Variants in ADAM12 observed in about 807,000 individuals in gnomAD.
ADAM12 encodes ADAM metallopeptidase domain 12.
In ADAM12, 70 loss-of-function variants were observed where a neutral mutation model predicts 106.4. The observed-to-expected ratio is 0.66, with a 90% CI of 0.54 to 0.80. The LOEUF is 0.80. Ranked by LOEUF, ADAM12 falls within the 30% of genes least tolerant of loss-of-function variation. The pLI is 0.00. For synonymous variants in ADAM12, 420 were observed against 433.5 expected (o/e 0.97, Z 0.39); for missense variants, 1,010 against 1,171.9 (o/e 0.86, Z 2.02).
chr10:126,103,615 C>T (rs757964217), intron 8 of ADAM12, among the ~76,000 whole-genome samples: 13 of 152,206 alleles, frequency 8.5e-5, no homozygotes, highest in Non-Finnish European at 1.8e-4. Flanking sequence ...CATGTTTGAA[C>T]CCACTAGGTA....
intron 4 of ADAM12, among the ~76,000 whole-genome samples, chr10:126,141,473 C>CA (rs35675575): frequency 0.2 from 30,224 of 152,160 alleles, 3,422 homozygotes; most frequent in Non-Finnish European, 0.26. Context: ...TTTTCCTTTT[C>CA]AAAAACCTCT....
intron 1 of ADAM12, among the ~76,000 whole-genome samples, chr10:126,361,517 A>G (rs1215320127): frequency 1.3e-5 from 2 of 152,226 alleles, no homozygotes; most frequent in Admixed American, 1.3e-4. Flanking sequence ...AAGGCATCAC[A>G]GTACCTAATT....
intron 3 of ADAM12, among the ~76,000 whole-genome samples, chr10:126,157,197 C>T (rs1956835441): frequency 6.6e-6 from 1 of 152,218 alleles, no homozygotes; most frequent in East Asian, 1.9e-4. Context: ...ATCCTGGTCC[C>T]TTACTTCAGG....
At chr10:126,343,132 G>T (rs374769254) in intron 1 of ADAM12, among the ~76,000 whole-genome samples, 1 of 151,694 alleles carries the variant, frequency 6.6e-6, no homozygotes, top group Non-Finnish European at 1.5e-5. Context: ...CCATTAACTC[G>T]TCAGTCATTT....
chr10:126,057,445 C>G (rs189893685), intron 14 of ADAM12, among the ~76,000 whole-genome samples: 156 of 151,264 alleles, frequency 1.0e-3, no homozygotes, highest in African/African-American at 3.6e-3. Flanking sequence ...GGCCAGGGTG[C>G]CTTACCCTGG....
chr10:126,106,060 C>T (rs79526493), intron 8 of ADAM12, among the ~76,000 whole-genome samples: 3,516 of 152,256 alleles, frequency 0.023, 111 homozygotes, highest in East Asian at 0.083. Context: ...TTCCTGCTCC[C>T]CCTTTCCTGG....
chr10:126,176,539 T>A (rs1011763699), intron 3 of ADAM12, among the ~76,000 whole-genome samples: 2 of 152,234 alleles, frequency 1.3e-5, no homozygotes, highest in Non-Finnish European at 2.9e-5. Flanking sequence ...GAATCACTCA[T>A]CTAGGGCATA....
At chr10:126,310,827 T>C (rs373503434) in intron 2 of ADAM12, among the ~76,000 whole-genome samples, 246 of 152,264 alleles carry the variant, frequency 1.6e-3, no homozygotes, top group African/African-American at 5.7e-3. Flanking sequence ...CATAGTCTCA[T>C]AGCTGTTTGG....
Position 126,248,681 on chromosome 10 carries a change from GTATGTATT to G in ADAM12, c.260+30226_260+30233del, listed in dbSNP as rs1190963053. ...TGTATGTATGTATGTATGTATGTAT[GTATGTATT>G]TATTTATTTATTTATTTATTTATTT... On this transcript the variant is annotated intron_variant, in intron 3 of 22. Transcript: ENST00000448723. Among the ~76,000 whole-genome samples the G allele has an allele frequency of 2.7e-3, 85 of 31,774 alleles. No individual in the cohort carries two copies. The Middle Eastern group carries it at 0.065, about 24-fold the overall frequency. 20.8% of individuals were successfully genotyped at this position (31,774 alleles called of 152,430 possible).
At chr10:126,322,478 C>T (rs977283115) in intron 2 of ADAM12, among the ~76,000 whole-genome samples, 3 of 152,286 alleles carry the variant, frequency 2.0e-5, no homozygotes, top group East Asian at 3.9e-4. Context: ...AAGAGGGTGG[C>T]GCTGGCATCA....
intron 3 of ADAM12, among the ~76,000 whole-genome samples, chr10:126,265,802 T>C (rs1565178234): frequency 2.0e-5 from 3 of 152,168 alleles, no homozygotes; most frequent in Non-Finnish European, 2.9e-5. Context: ...GGAACCTATA[T>C]ATTAAAAGAC....
At chr10:126,250,395 C>T (rs768494694) in intron 3 of ADAM12, among the ~76,000 whole-genome samples, 3 of 151,768 alleles carry the variant, frequency 2.0e-5, no homozygotes, top group East Asian at 1.9e-4. Flanking sequence ...AGTGTGTGAG[C>T]GTGTGTGTGT....
intron 1 of ADAM12, among the ~76,000 whole-genome samples, chr10:126,346,471 T>C (rs1855144026): frequency 6.6e-6 from 1 of 152,212 alleles, no homozygotes; most frequent in Admixed American, 6.5e-5. Flanking sequence ...ATAAGTGCGA[T>C]GTGGTGCCAA....
intron 3 of ADAM12, among the ~76,000 whole-genome samples, chr10:126,180,651 T>C (rs1278376): frequency 0.65 from 98,657 of 152,076 alleles, 34,645 homozygotes; most frequent in African/African-American, 0.91. Flanking sequence ...AGAAGTGCCC[T>C]ATTTTCCTCA....
intron 3 of ADAM12, among the ~76,000 whole-genome samples, chr10:126,216,980 G>T (rs535391888): frequency 6.6e-6 from 1 of 152,338 alleles, no homozygotes; most frequent in Admixed American, 6.5e-5. Flanking sequence ...CAATTAAGGA[G>T]AATATTTTTC....
chr10:126,311,237 C>T (rs1961083435), intron 2 of ADAM12, among the ~76,000 whole-genome samples: 1 of 151,988 alleles, frequency 6.6e-6, no homozygotes, highest in Non-Finnish European at 1.5e-5. Context: ...TTTGGCAATG[C>T]CACATTCCAT....
chr10:126,295,374 G>A (rs1960321373), intron 2 of ADAM12, among the ~76,000 whole-genome samples: 1 of 152,170 alleles, frequency 6.6e-6, no homozygotes, highest in African/African-American at 2.4e-5. Context: ...TCATGTGACT[G>A]ACAATAAGGA....
In ADAM12 at chr10:126,064,876, A is replaced by C. The variant is rs1954834397; in HGVS notation, c.1539T>G (p.Asp513Glu). ...TGCCATTGTAGCAGTAGCCGTCCAC[A>C]TCCTGACATGAGTGCCCATCGTGCA... ...VYLHDGHSCQ[D>E]VDGYCYNGIC... The change falls in exon 14 of 23, where the codon GAT (aspartate) becomes GAG (glutamate). Residue 513 changes from aspartate to glutamate, a missense_variant. By Grantham distance (45) the Asp-to-Glu change is conservative. Around this residue, in one of 3 missense-constraint regions of ADAM12, gnomAD observed 615 missense variants for 708.5 expected, o/e 0.87. Transcript: ENST00000448723. The surrounding 1 kb of genome is among the most constrained non-coding windows in gnomAD (Gnocchi z 4.4). The C allele has an allele frequency of 1.2e-6, 2 of 1,612,796 alleles. No homozygotes were observed. The highest frequency in any genetic ancestry group is 2.2e-5 in the South Asian group (2 of 90,646).
intron 2 of ADAM12, among the ~76,000 whole-genome samples, chr10:126,288,215 C>G (rs907211191): frequency 6.6e-5 from 10 of 151,876 alleles, no homozygotes; most frequent in Non-Finnish European, 1.3e-4. Flanking sequence ...GTACAAGGAG[C>G]AGGGAAACCC....
Sources: gnomAD v4.1 joint callset for allele counts (sites outside exome capture counted in the v4.1 genomes callset) on GRCh38, gnomAD v4.1.1 for gene constraint, gnomAD v4.1.1 regional missense constraint, Gnocchi (gnomAD v3.1) non-coding constraint, MANE v1.5 for transcripts, NCBI Gene and HGNC (gene_info 2026-07-23, HGNC 2026-07-21) for gene names.